Variants in ANKRD30B observed in about 807,000 individuals in gnomAD.
ANKRD30B encodes ankyrin repeat domain-containing protein 30B.
In ANKRD30B, 144 loss-of-function variants were observed where a neutral mutation model predicts 202.2. That is an observed-to-expected ratio of 0.71 (90% CI 0.62 to 0.82). ANKRD30B has a LOEUF of 0.82. ANKRD30B is among the 40% of genes least tolerant of loss of function. ANKRD30B has a pLI of 0.00. For synonymous variants in ANKRD30B, 508 were observed against 561.3 expected (o/e 0.91, Z 1.34); for missense variants, 1,487 against 1,669.1 (o/e 0.89, Z 1.90).
the ANKRD30B span, among the ~76,000 whole-genome samples, chr18:14,926,227 G>A: frequency 1.3e-5 from 2 of 152,144 alleles, no homozygotes; most frequent in Non-Finnish European, 2.9e-5. Flanking sequence ...AGGAGGCAAT[G>A]TTCCTACTAA....
At chr18:14,859,191 G>T (rs1174662902), downstream of ANKRD30B, among the ~76,000 whole-genome samples, 1 of 94,016 alleles carries the variant, frequency 1.1e-5, no homozygotes, top group South Asian at 3.3e-4. Context: ...TGGCAGAGGC[G>T]CTCCTCACCT....
chr18:14,894,206 C>T, the ANKRD30B span, among the ~76,000 whole-genome samples: 1 of 152,072 alleles, frequency 6.6e-6, no homozygotes, highest in Non-Finnish European at 1.5e-5. Context: ...AAACCTGTAT[C>T]ACACTTGGAA....
chr18:14,765,654 T>C (rs1916006505), intron 7 of ANKRD30B, among the ~76,000 whole-genome samples: 1 of 152,168 alleles, frequency 6.6e-6, no homozygotes, highest in Non-Finnish European at 1.5e-5. Flanking sequence ...TGATACACAG[T>C]TTGCTGGCCC....
At chr18:14,796,624 A>C (rs1968915363) in intron 18 of ANKRD30B, among the ~76,000 whole-genome samples, 1 of 152,272 alleles carries the variant, frequency 6.6e-6, no homozygotes, top group South Asian at 2.1e-4. Context: ...GCTTTGCCTC[A>C]TGTGGATATC....
the ANKRD30B span, chr18:14,903,668 T>C: frequency 6.6e-6 from 1 of 152,212 alleles, no homozygotes; most frequent in Non-Finnish European, 1.5e-5. Flanking sequence ...AGGTCTTTAA[T>C]TCAAAATGCA....
At chr18:14,845,066 CT>C (rs1390407104) in intron 39 of ANKRD30B, among the ~76,000 whole-genome samples, 1 of 151,900 alleles carries the variant, frequency 6.6e-6, no homozygotes, top group East Asian at 1.9e-4. Flanking sequence ...ATGGTAGTTT[CT>C]TTTGCTGTGC....
At chr18:14,772,351 A>G (rs1414579419) in intron 9 of ANKRD30B, 123 bp downstream of exon 9, 6 of 530,178 alleles carry the variant, frequency 1.1e-5, no homozygotes, top group African/African-American at 6.0e-5. Flanking sequence ...AGATAAAAAC[A>G]TTTTATAGAA....
At chr18:14,894,318 A>T in the ANKRD30B span, among the ~76,000 whole-genome samples, 1 of 152,212 alleles carries the variant, frequency 6.6e-6, no homozygotes. Context: ...TATTTCAGAA[A>T]TTGATACTAA....
the ANKRD30B span, among the ~76,000 whole-genome samples, chr18:14,932,181 G>A: frequency 6.6e-6 from 1 of 151,416 alleles, no homozygotes; most frequent in African/African-American, 2.4e-5. Flanking sequence ...CCAGCCCCTT[G>A]TGCCTCATCC....
chr18:14,939,859 C>G, the ANKRD30B span, among the ~76,000 whole-genome samples: 1 of 152,234 alleles, frequency 6.6e-6, no homozygotes, highest in African/African-American at 2.4e-5. Flanking sequence ...ATACCCGCGT[C>G]CAGCGTAACT....
intron 30 of ANKRD30B, among the ~76,000 whole-genome samples, chr18:14,820,309 G>T (rs1970348820): frequency 6.6e-6 from 1 of 152,176 alleles, no homozygotes; most frequent in African/African-American, 2.4e-5. Context: ...CGTTTGCAAA[G>T]AGGGACAATT....
chr18:14,895,235 A>G, the ANKRD30B span, among the ~76,000 whole-genome samples: 1 of 150,882 alleles, frequency 6.6e-6, no homozygotes, highest in African/African-American at 2.4e-5. Flanking sequence ...AGTATCACAC[A>G]ATATACCCAG....
At chr18:14,847,075 T>A (rs1380996994) in intron 39 of ANKRD30B, among the ~76,000 whole-genome samples, 1 of 34,120 alleles carries the variant, frequency 2.9e-5, no homozygotes, top group Non-Finnish European at 7.0e-5. Flanking sequence ...TATATATATA[T>A]ATATATATAT....
the ANKRD30B span, among the ~76,000 whole-genome samples, chr18:14,884,402 G>A: frequency 1.2e-4 from 18 of 152,224 alleles, no homozygotes; most frequent in Middle Eastern, 0.01. Flanking sequence ...GTGCTGAACT[G>A]TGTCCAGGCT....
In ANKRD30B at chr18:14,772,167, C is replaced by T; in HGVS notation, c.1268C>T (p.Thr423Ile). 1 of 1,500,392 alleles carries T rather than the reference C, an allele frequency of 6.7e-7. No individual in the cohort carries two copies. Among genetic ancestry groups the T allele is most frequent in the Non-Finnish European group, 9.0e-7 (1 of 1,116,814 alleles). 92.9% of individuals were successfully genotyped at this position (1,500,392 alleles called of 1,614,324 possible). A position where few individuals can be genotyped will look rare whatever the true frequency, so the allele number is the denominator to read the frequency against. Residue 423 changes from threonine (T) to isoleucine (I), a missense_variant, in exon 9 of 44, where the codon ACA becomes ATA. Thr to Ile is a moderately conservative substitution (Grantham distance 89). Transcript: ENST00000690538. The stretch of plus-strand genomic sequence containing the variant: ...ATTTTTCTTTAAAGTCTTTTTGGCA[C>T]ACGGACTATTGAAAATTCACAGTGT... ...SVEPIFSLFG[T>I]RTIENSQCTK...
chr18:14,928,125 G>C, the ANKRD30B span, among the ~76,000 whole-genome samples: 2 of 152,078 alleles, frequency 1.3e-5, no homozygotes, highest in Admixed American at 6.6e-5. Context: ...CTGCCACCAT[G>C]CCTGGCTAAT....
intron 8 of ANKRD30B, among the ~76,000 whole-genome samples, chr18:14,771,047 T>C (rs537709428): frequency 8.5e-4 from 130 of 152,286 alleles, no homozygotes; most frequent in African/African-American, 2.8e-3. Context: ...GGGGTAAGAT[T>C]GACTGGCAAG....
intron 14 of ANKRD30B, among the ~76,000 whole-genome samples, chr18:14,785,636 CG>C (rs1888916181): frequency 6.6e-6 from 1 of 152,094 alleles, no homozygotes; most frequent in Non-Finnish European, 1.5e-5. Flanking sequence ...TGTGGCAACA[CG>C]TAAGATCTCT....
Sources: allele counts gnomAD v4.1 joint callset (sites outside exome capture counted in the v4.1 genomes callset), GRCh38; gene constraint gnomAD v4.1.1; transcripts MANE v1.5; gene names NCBI Gene and HGNC (gene_info 2026-07-23, HGNC 2026-07-21).